ZDHHC1: variants seen among roughly 807,000 people sequenced by gnomAD.
The protein encoded by ZDHHC1 is zDHHC palmitoyltransferase 1, also known as palmitoyltransferase ZDHHC1.
Under a neutral mutation model 46.9 loss-of-function variants are expected in ZDHHC1, and 45 were observed. The ratio of observed to expected loss-of-function variants is 0.96; its 90% CI spans 0.76 to 1.23. ZDHHC1 has a LOEUF of 1.23. ZDHHC1 is among the 50% of genes most tolerant of loss of function. The probability of loss-of-function intolerance (pLI) is 0.00; values close to 1 mark genes in which losing one functional copy is unlikely to be tolerated. For synonymous variants in ZDHHC1, 291 were observed against 286.0 expected, an observed-to-expected ratio of 1.02 and a Z score of -0.18; for missense variants, 649 against 670.8, an observed-to-expected ratio of 0.97 and a Z score of 0.36.
At chr16:67,405,348 G>A (rs1283754453) in intron 3 of ZDHHC1, among the ~76,000 whole-genome samples, 1 of 152,232 alleles carries the variant, frequency 6.6e-6, no homozygotes, top group Non-Finnish European at 1.5e-5. Context: ...TCGGTCCCGT[G>A]CAGCTCTGAA....
intron 8 of ZDHHC1, among the ~76,000 whole-genome samples, chr16:67,397,920 T>C (rs1412898575): frequency 6.6e-6 from 1 of 152,174 alleles, no homozygotes; most frequent in Admixed American, 6.5e-5. Context: ...TCCATCCCTC[T>C]CTCTCCTGCT....
rs1303582336 is a variant in ZDHHC1 at position 67,401,341 on chromosome 16, C to T, written c.253-209G>A. Among the ~76,000 whole-genome samples the T allele has an allele frequency of 1.3e-5, 2 of 152,236 alleles. No individual in the cohort carries two copies. Among genetic ancestry groups the T allele is most frequent in the African/African-American group, 2.4e-5 (1 of 41,462 alleles). On this transcript the variant is annotated intron_variant, in intron 3 of 11. Transcript: ENST00000565726. The surrounding 1 kb of genome is among the most constrained non-coding windows in gnomAD (Gnocchi z 4.6). ...CCAAATGGAAAGAGGGAGAGGCCAT[C>T]TAGGAAAGGAGTCCACAGCCAGCCA...
chr16:67,399,368 C>G lies in ZDHHC1; in HGVS notation c.517G>C (p.Glu173Gln), dbSNP rs778391085. ...HCKWLNNCVG[E>Q]RNYRLFLHSV... The stretch of plus-strand genomic sequence containing the variant: ...GGCTGTCCTCACCGGTAGTTCCGCT[C>G]GCCCACACAGTTGTTGAGCCACTTG... Residue 173 changes from glutamate (E) to glutamine (Q), a missense_variant, in exon 5 of 12, where the codon GAG (glutamate) becomes CAG (glutamine). Glu to Gln is a conservative substitution (Grantham distance 29, BLOSUM62 2). Transcript: ENST00000565726. 1 of 1,612,986 alleles carries G rather than the reference C, an allele frequency of 6.2e-7. No homozygotes were observed. The highest frequency in any genetic ancestry group is 1.1e-5 in the South Asian group (1 of 91,044).
chr16:67,397,854 G>A (rs1022525985), intron 8 of ZDHHC1, among the ~76,000 whole-genome samples: 2 of 152,212 alleles, frequency 1.3e-5, no homozygotes, highest in Admixed American at 6.5e-5. Context: ...TCAAGGTCAT[G>A]GATGAGGAGA....
At chr16:67,397,308 A>G (rs2040452097) in intron 8 of ZDHHC1, among the ~76,000 whole-genome samples, 1 of 152,204 alleles carries the variant, frequency 6.6e-6, no homozygotes, top group South Asian at 2.1e-4. Flanking sequence ...GTGGGGCTGG[A>G]AACAGTACCC....
rs1464447664 is a variant in ZDHHC1, at chr16:67,395,470, C to G, written c.1010+14G>C. 6.4e-7 allele frequency: 1 copy of G among 1,551,624 alleles called. No individual in the cohort carries two copies. The highest frequency in any genetic ancestry group is 8.7e-7 in the Non-Finnish European group (1 of 1,147,264). Reference sequence around the variant, plus strand: ...CTGGAGATGCCCAGTGGCACATGCCCAGGTTGCACTCACTTGGCATTCACT... The same window carrying G: ...CTGGAGATGCCCAGTGGCACATGCCGAGGTTGCACTCACTTGGCATTCACT... On this transcript the variant is annotated intron_variant, in intron 9 of 11. Transcript: ENST00000565726.
rs1409807031 is a variant in ZDHHC1 at position 67,394,644 on chromosome 16, C to CT, written c.1414dup (p.Arg472LysfsTer27). The CT allele has an allele frequency of 8.2e-7, 1 of 1,214,856 alleles. No homozygotes were observed. The highest frequency in any genetic ancestry group is 1.6e-5 in the African/African-American group (1 of 62,640). The allele number at this position is 1,214,856 out of a possible 1,614,324, so 75.3% of individuals were successfully genotyped here. The stretch of plus-strand genomic sequence containing the variant: ...ACCAGCCTCCCGGCCGCCCGGCGCC[C>CT]TGGGCTCGCCGCTGCTCGGGCTCAC... On this transcript the variant is annotated frameshift_variant, in exon 12 of 12. Coordinates refer to ENST00000565726, the MANE Select transcript of ZDHHC1 (RefSeq NM_001323627.2). LOFTEE classifies it low-confidence loss of function (END_TRUNC).
intron 8 of ZDHHC1, among the ~76,000 whole-genome samples, chr16:67,397,743 C>T (rs929111999): frequency 6.6e-6 from 1 of 152,238 alleles, no homozygotes; most frequent in Non-Finnish European, 1.5e-5. Flanking sequence ...GAGACCTTAA[C>T]TCTTCCCAGA....
At chr16:67,396,377 G>A (rs909209221) in intron 8 of ZDHHC1, 1 of 152,302 alleles carries the variant, frequency 6.6e-6, no homozygotes, top group Non-Finnish European at 1.5e-5. Context: ...GTCCCGGGCG[G>A]GGTGGGAGCC....
chr16:67,399,494 A>C, intron 4 of ZDHHC1, 38 bp from the exon 5 acceptor site: 306 of 1,558,530 alleles, frequency 2.0e-4, no homozygotes, highest in Non-Finnish European at 2.5e-4. Flanking sequence ...TGGCCGGCTC[A>C]TTCCCCGCTC....
intron 3 of ZDHHC1, among the ~76,000 whole-genome samples, chr16:67,403,954 T>A (rs1478413348): frequency 6.6e-6 from 1 of 152,032 alleles, no homozygotes; most frequent in Non-Finnish European, 1.5e-5. Flanking sequence ...CCATTAGAAA[T>A]CTTGGAGCTG....
At chr16:67,395,343 G>A in intron 9 of ZDHHC1, 63 bp from the exon 10 acceptor site, 1 of 1,495,356 alleles carries the variant, frequency 6.7e-7, no homozygotes, top group Non-Finnish European at 8.9e-7. Context: ...CACTGGAGGT[G>A]CTGAGAGAAG....
chr16:67,398,874 A>G lies in ZDHHC1; in HGVS notation c.601T>C (p.Phe201Leu), dbSNP rs369730444. The G allele has an allele frequency of 6.2e-7, 1 of 1,613,224 alleles. No individual in the cohort carries two copies. Among genetic ancestry groups the G allele is most frequent in the African/African-American group, 1.3e-5 (1 of 74,918 alleles). Residue 201 changes from phenylalanine to leucine, a missense_variant, in exon 6 of 12, where the codon TTC becomes CTC. Physicochemically the swap from Phe to Leu is conservative, Grantham distance 22. Transcript: ENST00000565726. ...LLLVLVATYV[F>L]VEFFVNPMRL... Reference sequence around the variant, plus strand: ...ATGGGGTTGACAAAGAACTCCACGAAGACATATGTGGCCACCAGCACCAGG... The same window carrying G: ...ATGGGGTTGACAAAGAACTCCACGAGGACATATGTGGCCACCAGCACCAGG...
chr16:67,397,553 G>A (rs1274415665), intron 8 of ZDHHC1, among the ~76,000 whole-genome samples: 3 of 151,952 alleles, frequency 2.0e-5, no homozygotes, highest in African/African-American at 4.8e-5. Flanking sequence ...ATGAGGCCTC[G>A]GGATCCAGGG....
Position 67,406,367 on chromosome 16 carries a change from C to G in ZDHHC1, c.85G>C (p.Gly29Arg), listed in dbSNP as rs372055076. 2 of 1,583,614 alleles carry G rather than the reference C, an allele frequency of 1.3e-6. No individual in the cohort carries two copies. Among genetic ancestry groups the G allele is most frequent in the South Asian group, 1.1e-5 (1 of 86,976 alleles). Reference protein sequence around the residue: ...SVWTAPAQPSGPSPELQGQRS... With the variant: ...SVWTAPAQPSRPSPELQGQRS... ...TGGCCCTGCAGCTCAGGGGAGGGTC[C>G]GCTGGGCTGTGCCGGTGCCGTCCAC... Residue 29 changes from glycine (G) to arginine (R), a missense_variant, in exon 3 of 12, where the codon GGA becomes CGA. Transcript: ENST00000565726. This position sits in a 1 kb window ranked among gnomAD's most constrained non-coding sequence, Gnocchi z 4.1.
In ZDHHC1 at chr16:67,398,217, T is replaced by C. The variant is rs745506856; in HGVS notation, c.922A>G (p.Ile308Val). ...LESCPPKMRP[I>V]QEMEFYMRTF... is the part of the protein sequence containing the mutation. ...CCACCCTTCATCCTCTATACCTGAATGGGCCGCATCTTGGGAGGACATGAC... is the reference window on the plus strand; with the variant it reads ...CCACCCTTCATCCTCTATACCTGAACGGGCCGCATCTTGGGAGGACATGAC... Residue 308 changes from isoleucine to valine, a missense_variant, in exon 8 of 12, where the codon ATT becomes GTT. Physicochemically the swap from Ile to Val is conservative, Grantham distance 29 (BLOSUM62 3). Transcript: ENST00000565726. 6.2e-7 allele frequency: 1 copy of C among 1,607,748 alleles called. No individual in the cohort carries two copies. The highest frequency in any genetic ancestry group is 1.1e-5 in the South Asian group (1 of 90,948).
intron 8 of ZDHHC1, chr16:67,396,282 A>C (rs2040429629): frequency 6.6e-6 from 1 of 152,200 alleles, no homozygotes; most frequent in Non-Finnish European, 1.5e-5. Context: ...GACTCGCCCC[A>C]GCTTTGCCCA....
Position 67,398,596 on chromosome 16 carries a change from A to G in ZDHHC1, c.791T>C (p.Leu264Pro). 7 of 1,604,372 alleles carry G rather than the reference A, an allele frequency of 4.4e-6. No individual in the cohort carries two copies. Among genetic ancestry groups the G allele is most frequent in the Non-Finnish European group, 4.2e-6 (5 of 1,176,778 alleles). The change falls in exon 7 of 12, where the codon CTG becomes CCG. Residue 264 changes from leucine (L) to proline (P), a missense_variant. Coordinates refer to ENST00000565726, the MANE Select transcript of ZDHHC1 (RefSeq NM_001323627.2). ...ACTGAGATAAATGTGGAAGCAGAGC[A>G]GGTGCCCCAGGAGGGCTGTGGACAG... is the stretch of plus-strand genomic sequence containing the variant. ...GLLSTALLGH[L>P]LCFHIYLMWH...
rs771188325 is a variant in ZDHHC1, at chr16:67,398,331, G to A, written c.815-7C>T. Reference sequence around the variant, plus strand: ...GTGGTGAGCTTGTGCCACACTGGTGGGGGGAGGAGAGGGCTCAGTGCGGTG... The same window carrying A: ...GTGGTGAGCTTGTGCCACACTGGTGAGGGGAGGAGAGGGCTCAGTGCGGTG... On this transcript the variant is annotated splice_polypyrimidine_tract_variant and splice_region_variant and intron_variant, in intron 7 of 11. Coordinates refer to ENST00000565726, the MANE Select transcript of ZDHHC1 (RefSeq NM_001323627.2). 5.0e-6 allele frequency: 8 copies of A among 1,611,900 alleles called. No homozygotes were observed. The highest frequency in any genetic ancestry group is 1.1e-5 in the South Asian group (1 of 90,814).
Sources: gnomAD v4.1 joint callset for allele counts (sites outside exome capture counted in the v4.1 genomes callset) on GRCh38, gnomAD v4.1.1 for gene constraint, Gnocchi (gnomAD v3.1) non-coding constraint, MANE v1.5 for transcripts, NCBI Gene and HGNC (gene_info 2026-07-23, HGNC 2026-07-21) for gene names.